The following YWHAE variants were observed in gnomAD, a reference collection of about 807,000 sequenced individuals.
The protein encoded by YWHAE is tyrosine 3-monooxygenase/tryptophan 5-monooxygenase activation protein epsilon.
In YWHAE, 4 loss-of-function variants were observed where a neutral mutation model predicts 30.1. The observed-to-expected ratio is 0.13, with a 90% CI of 0.07 to 0.30. The LOEUF is 0.30. YWHAE is among the 10% of genes least tolerant of loss of function. The pLI, the probability that YWHAE is intolerant of heterozygous loss-of-function variation, is 1.00. For missense variants in YWHAE, 121 were observed against 315.9 expected (o/e 0.38, Z 4.68); for synonymous variants, 118 against 111.8 (o/e 1.06, Z -0.35).
At chr17:1,367,678 G>C (rs1327916037) in intron 1 of YWHAE, among the ~76,000 whole-genome samples, 1 of 151,936 alleles carries the variant, frequency 6.6e-6, no homozygotes, top group African/African-American at 2.4e-5. Context: ...GAGACGGGAG[G>C]GGAGAAAAAT....
intron 1 of YWHAE, 68 bp from the exon 2 acceptor site, chr17:1,365,126 A>C: frequency 6.6e-7 from 1 of 1,509,810 alleles, no homozygotes; most frequent in Middle Eastern, 1.8e-4. Context: ...CTTTCAAAGT[A>C]GTTTTTTTCT....
intron 1 of YWHAE, among the ~76,000 whole-genome samples, chr17:1,394,455 A>AAAAAAAAAAC (rs1567987871): frequency 1.3e-5 from 2 of 149,118 alleles, no homozygotes; most frequent in African/African-American, 5.0e-5. Context: ...AAAAAAAAAA[A>AAAAAAAAAAC]AAAAAACACA....
In YWHAE at chr17:1,361,174, T is replaced by C; in HGVS notation, c.496A>G (p.Thr166Ala). 1 of 1,614,074 alleles carries C rather than the reference T, an allele frequency of 6.2e-7. No individual in the cohort carries two copies. Among genetic ancestry groups the C allele is most frequent in the Non-Finnish European group, 8.5e-7 (1 of 1,180,034 alleles). The stretch of plus-strand genomic sequence containing the variant: ...GCAAGACCTAAGCGAATAGGATGCG[T>C]TGGTGGAAGTTCTGTCATTGCAATA... ...SDIAMTELPP[T>A]HPIRLGLALN... The change falls in exon 4 of 6, where the codon ACG becomes GCG. Residue 166 changes from threonine (T) to alanine (A), a missense_variant. Thr to Ala is a moderately conservative substitution (Grantham distance 58). Around this residue, in one of 2 missense-constraint regions of YWHAE, gnomAD observed 99 missense variants for 289.3 expected, o/e 0.34. Transcript: ENST00000264335.
intron 1 of YWHAE, among the ~76,000 whole-genome samples, chr17:1,370,584 C>T (rs1471546601): frequency 6.6e-6 from 1 of 152,118 alleles, no homozygotes; most frequent in East Asian, 1.9e-4. Flanking sequence ...GTGGGCGCCA[C>T]CACGCCCGGC....
At chr17:1,387,230 C>G (rs932966971) in intron 1 of YWHAE, among the ~76,000 whole-genome samples, 1 of 152,012 alleles carries the variant, frequency 6.6e-6, no homozygotes, top group Non-Finnish European at 1.5e-5. Flanking sequence ...GGGGAGTAAT[C>G]CCCTGCTCCA....
chr17:1,392,285 T>A (rs1191450782), intron 1 of YWHAE, among the ~76,000 whole-genome samples: 5 of 152,074 alleles, frequency 3.3e-5, no homozygotes, highest in Admixed American at 3.3e-4. Context: ...TGAGATGGGA[T>A]GATCATTTGG....
At chr17:1,381,113 A>T (rs1023658598) in intron 1 of YWHAE, among the ~76,000 whole-genome samples, 3 of 152,214 alleles carry the variant, frequency 2.0e-5, no homozygotes, top group Non-Finnish European at 4.4e-5. Flanking sequence ...GGCTGGGCGC[A>T]GTGGCTCACG....
Position 1,398,801 on chromosome 17 carries a change from C to G in YWHAE, c.64+1246G>C, listed in dbSNP as rs1421855819. 4 of 152,060 alleles carry G rather than the reference C, an allele frequency of 2.6e-5. No homozygotes were observed. The East Asian group carries it at 5.8e-4, about 22-fold the overall frequency. The allele number at this position is 152,060 out of a possible 1,614,324, so 9.4% of individuals were successfully genotyped here. A position where few individuals can be genotyped will look rare whatever the true frequency, so the allele number is the denominator to read the frequency against. ...TGACTGGACAGACACAATGGACATT[C>G]GATGAAGTTCTGAAAAAGGACTGGA... is the stretch of plus-strand genomic sequence containing the variant. On this transcript the variant is annotated intron_variant, in intron 1 of 5. Transcript: ENST00000264335.
intron 2 of YWHAE, among the ~76,000 whole-genome samples, chr17:1,362,489 G>A (rs867215700): frequency 6.6e-6 from 1 of 152,082 alleles, no homozygotes. Flanking sequence ...TTAAACCCAG[G>A]CAGTTTGCCT....
chr17:1,355,673 G>A (rs1246946129), intron 4 of YWHAE, among the ~76,000 whole-genome samples: 2 of 152,194 alleles, frequency 1.3e-5, no homozygotes, highest in East Asian at 3.9e-4. Context: ...AGAAAAAAAA[G>A]AGACATAATC....
intron 4 of YWHAE, among the ~76,000 whole-genome samples, chr17:1,356,007 A>T (rs1426062042): frequency 6.6e-6 from 1 of 152,184 alleles, no homozygotes; most frequent in East Asian, 1.9e-4. Flanking sequence ...TCTCTACTAA[A>T]AATACAAAAA....
intron 1 of YWHAE, among the ~76,000 whole-genome samples, chr17:1,366,981 T>C (rs2072955368): frequency 6.6e-6 from 1 of 151,980 alleles, no homozygotes. Context: ...ACTATTAAAT[T>C]AAGGGGAGTG....
chr17:1,393,111 C>CA (rs1416709713), intron 1 of YWHAE, among the ~76,000 whole-genome samples: 1 of 150,912 alleles, frequency 6.6e-6, no homozygotes, highest in Non-Finnish European at 1.5e-5. Flanking sequence ...GCCTGGGTGA[C>CA]AGAGCAAGAC....
chr17:1,399,950 C>G (rs1010477705), intron 1 of YWHAE, 97 bp downstream of exon 1: 90 of 1,486,414 alleles, frequency 6.1e-5, no homozygotes, highest in Non-Finnish European at 8.2e-5. Context: ...GGGCCAGGCT[C>G]GCAGACGATG....
intron 1 of YWHAE, among the ~76,000 whole-genome samples, chr17:1,395,006 C>T (rs989374583): frequency 6.6e-6 from 1 of 152,008 alleles, no homozygotes; most frequent in Admixed American, 6.6e-5. Context: ...TTACTCCATG[C>T]TTGTCATTAC....
At position 1,354,223 on chromosome 17, in the gene YWHAE, T is replaced by C. The variant is rs1171466851; in HGVS notation, c.703A>G (p.Met235Val). 3.7e-6 allele frequency: 6 copies of C among 1,613,692 alleles called. No individual in the cohort carries two copies. ...CGTGCTTGCTTACCGTCACCCTGCA[T>C]GTCTGAAGTCCATAGTGTCAGATTA... is the stretch of plus-strand genomic sequence containing the variant. ...RDNLTLWTSD[M>V]QGDGEEQNKE... The change falls in exon 5 of 6, where the codon ATG (methionine) becomes GTG (valine). Residue 235 changes from methionine (M) to valine (V), a missense_variant. This residue lies in a region of YWHAE where 99 missense variants were observed against 289.3 expected (regional missense o/e 0.34). Coordinates refer to ENST00000264335, the MANE Select transcript of YWHAE (RefSeq NM_006761.5).
At chr17:1,363,850 T>C (rs2072901445) in intron 2 of YWHAE, among the ~76,000 whole-genome samples, 2 of 145,352 alleles carry the variant, frequency 1.4e-5, no homozygotes, top group Admixed American at 7.0e-5. Flanking sequence ...TTTACGTGCC[T>C]GTCTCTTCTA....
intron 1 of YWHAE, among the ~76,000 whole-genome samples, chr17:1,383,853 G>A (rs571132669): frequency 7.9e-5 from 12 of 152,174 alleles, no homozygotes; most frequent in African/African-American, 2.4e-4. Context: ...CTGAGCCCAA[G>A]AGTTCAAGAC....
At chr17:1,349,617 A>AT (rs201047199) in intron 5 of YWHAE, among the ~76,000 whole-genome samples, 157 of 147,650 alleles carry the variant, frequency 1.1e-3, no homozygotes, top group African/African-American at 1.4e-3. Context: ...ATTTCACTAG[A>AT]TTTTTTTTTT....
Sources: allele counts gnomAD v4.1 joint callset (sites outside exome capture counted in the v4.1 genomes callset), GRCh38; gene constraint gnomAD v4.1.1; regional missense constraint gnomAD v4.1.1; transcripts MANE v1.5; gene names NCBI Gene and HGNC (gene_info 2026-07-23, HGNC 2026-07-21).